GPC5: variants seen among roughly 807,000 people sequenced by gnomAD.
The protein encoded by GPC5 is glypican-5.
GPC5 carries 47 observed loss-of-function variants against 53.9 expected under a neutral mutation model. That is an observed-to-expected ratio of 0.87 (90% CI 0.69 to 1.11). The LOEUF (loss-of-function observed/expected upper bound fraction) is 1.11, where lower values mean the gene tolerates loss of function less well. Among genes scored for constraint, GPC5 ranks in the 50% most tolerant of loss-of-function variants. The pLI, the probability that GPC5 is intolerant of heterozygous loss-of-function variation, is 0.00. For synonymous variants in GPC5, 286 were observed against 263.3 expected (o/e 1.09, Z -0.84); for missense variants, 748 against 713.1 (o/e 1.05, Z -0.56).
At chr13:91,634,342 T>G (rs903776215) in intron 2 of GPC5, among the ~76,000 whole-genome samples, 1 of 151,988 alleles carries the variant, frequency 6.6e-6, no homozygotes, top group African/African-American at 2.4e-5. Context: ...CCTAATATTT[T>G]TATGGGGGAA....
At chr13:92,135,448 T>A (rs2041776279) in intron 6 of GPC5, among the ~76,000 whole-genome samples, 1 of 152,058 alleles carries the variant, frequency 6.6e-6, no homozygotes, top group Non-Finnish European at 1.5e-5. Context: ...TAATGTAGAG[T>A]TTGGACAACG....
At chr13:92,102,607 T>C (rs538295831) in intron 6 of GPC5, among the ~76,000 whole-genome samples, 57 of 152,158 alleles carry the variant, frequency 3.7e-4, no homozygotes, top group African/African-American at 1.3e-3. Flanking sequence ...GGGGTTATAA[T>C]TGGTGGTTCA....
intron 7 of GPC5, among the ~76,000 whole-genome samples, chr13:92,169,129 T>A (rs1052919467): frequency 6.6e-6 from 1 of 151,820 alleles, no homozygotes; most frequent in South Asian, 2.1e-4. Flanking sequence ...AGCTCAACAA[T>A]GAGAATACGT....
chr13:91,982,242 A>G (rs1269346111), intron 6 of GPC5, among the ~76,000 whole-genome samples: 2 of 152,230 alleles, frequency 1.3e-5, no homozygotes, highest in Admixed American at 6.5e-5. Flanking sequence ...GACAATATCC[A>G]TAACAACAGA....
chr13:92,745,130 C>A (rs1262235013), intron 7 of GPC5, among the ~76,000 whole-genome samples: 6 of 151,856 alleles, frequency 4.0e-5, no homozygotes, highest in Non-Finnish European at 7.4e-5. Context: ...CAAATTTTAG[C>A]CCAAAATTTC....
chr13:92,710,363 A>G (rs955294781), intron 7 of GPC5, among the ~76,000 whole-genome samples: 1 of 152,236 alleles, frequency 6.6e-6, no homozygotes, highest in Non-Finnish European at 1.5e-5. Flanking sequence ...AATGTGACAG[A>G]GAAGAAGAGT....
chr13:91,625,589 T>C (rs1220429128), intron 2 of GPC5, among the ~76,000 whole-genome samples: 3 of 152,120 alleles, frequency 2.0e-5, no homozygotes, highest in East Asian at 3.9e-4. Context: ...CTAAAGGCTA[T>C]GGGTATAATT....
At position 92,734,099 on chromosome 13, in the gene GPC5, T is replaced by C. The variant is rs1888877078; in HGVS notation, c.1562-132183T>C. ...CAGATTTTTCTTTGTGATATTGGCC[T>C]GTGGTCAGCATATACCACTTGGCCA... is the stretch of plus-strand genomic sequence containing the variant. On this transcript the variant is annotated intron_variant, in intron 7 of 7. Transcript: ENST00000377067. 3.3e-5 allele frequency among the ~76,000 whole-genome samples: 5 copies of C among 151,886 alleles called. No individual in the cohort carries two copies. The Admixed American group carries it at 3.3e-4, about 10-fold the overall frequency.
intron 7 of GPC5, among the ~76,000 whole-genome samples, chr13:92,661,503 C>G (rs571316481): frequency 6.6e-6 from 1 of 151,936 alleles, no homozygotes; most frequent in Non-Finnish European, 1.5e-5. Flanking sequence ...TATTTTATGG[C>G]CTATTTTTTC....
At chr13:91,707,090 T>A (rs537737590) in intron 3 of GPC5, among the ~76,000 whole-genome samples, 1 of 152,194 alleles carries the variant, frequency 6.6e-6, no homozygotes, top group East Asian at 1.9e-4. Context: ...ATATATGACA[T>A]GGTCTAAGTT....
chr13:92,421,698 CAAAAAAA>C (rs34055682), intron 7 of GPC5, among the ~76,000 whole-genome samples: 1 of 69,508 alleles, frequency 1.4e-5, no homozygotes. Context: ...GACTCCGTCT[CAAAAAAA>C]AAAAAAAAAA....
chr13:91,709,219 G>C (rs2036175006), intron 3 of GPC5, among the ~76,000 whole-genome samples: 1 of 152,092 alleles, frequency 6.6e-6, no homozygotes, highest in Non-Finnish European at 1.5e-5. Context: ...AACCTCCCTA[G>C]TCTACTCTCT....
At chr13:92,834,311 G>A (rs1566437931) in intron 7 of GPC5, among the ~76,000 whole-genome samples, 1 of 152,024 alleles carries the variant, frequency 6.6e-6, no homozygotes, top group Non-Finnish European at 1.5e-5. Flanking sequence ...ACTCCAACCT[G>A]TTAAAAAATG....
At chr13:91,632,758 A>G (rs1011043785) in intron 2 of GPC5, among the ~76,000 whole-genome samples, 4 of 152,152 alleles carry the variant, frequency 2.6e-5, no homozygotes, top group African/African-American at 9.7e-5. Context: ...CTTCTAAAAC[A>G]ATCAAAAGCT....
chr13:91,804,872 A>T (rs1184127648), intron 5 of GPC5, among the ~76,000 whole-genome samples: 2 of 152,306 alleles, frequency 1.3e-5, no homozygotes, highest in East Asian at 3.9e-4. Flanking sequence ...AGGGAAGGAG[A>T]TGAAATCTCA....
At chr13:92,196,391 A>C (rs769990389) in intron 7 of GPC5, among the ~76,000 whole-genome samples, 1 of 152,166 alleles carries the variant, frequency 6.6e-6, no homozygotes, top group African/African-American at 2.4e-5. Context: ...CACTTAATAC[A>C]TATATTTAAT....
intron 7 of GPC5, among the ~76,000 whole-genome samples, chr13:92,404,055 T>C (rs1170231405): frequency 1.3e-5 from 2 of 152,234 alleles, no homozygotes; most frequent in Non-Finnish European, 2.9e-5. Flanking sequence ...TTTAACTGCA[T>C]TATGAACTTG....
chr13:92,277,201 T>C (rs2042882108), intron 7 of GPC5, among the ~76,000 whole-genome samples: 1 of 152,012 alleles, frequency 6.6e-6, no homozygotes, highest in African/African-American at 2.4e-5. Flanking sequence ...TTGTAGGGAA[T>C]TGACACCCAC....
At chr13:92,206,278 C>A (rs2042336514) in intron 7 of GPC5, among the ~76,000 whole-genome samples, 1 of 150,208 alleles carries the variant, frequency 6.7e-6, no homozygotes, top group African/African-American at 2.4e-5. Context: ...CATTCTCCTG[C>A]CTCAGCCTCC....
Sources: gnomAD v4.1 joint callset for allele counts (sites outside exome capture counted in the v4.1 genomes callset) on GRCh38, gnomAD v4.1.1 for gene constraint, MANE v1.5 for transcripts, NCBI Gene and HGNC (gene_info 2026-07-23, HGNC 2026-07-21) for gene names.